TGM7: variants seen among roughly 807,000 people sequenced by gnomAD.
The protein encoded by TGM7 is protein-glutamine gamma-glutamyltransferase Z.
Under a neutral mutation model 79.5 loss-of-function variants are expected in TGM7, and 74 were observed. The observed-to-expected ratio is 0.93, with a 90% confidence interval of 0.77 to 1.13. The LOEUF is 1.13. TGM7 is among the 50% of genes most tolerant of loss of function. The pLI, the probability that TGM7 is intolerant of heterozygous loss-of-function variation, is 0.00. For missense variants in TGM7, 912 were observed against 905.9 expected, an observed-to-expected ratio of 1.01 and a Z score of -0.09; for synonymous variants, 354 against 362.5, an observed-to-expected ratio of 0.98 and a Z score of 0.27.
In TGM7 at chr15:43,281,986, A is replaced by G; in HGVS notation, c.1209T>C (p.Asp403=). Residue 403 remains aspartate (D), a synonymous_variant, in exon 9 of 13, where the codon GAT becomes GAC. Transcript: ENST00000452443. ...CATCCCCAAGGAGCCAAATGACTTC[A>G]TCGGCGTTCACCTCGGCATACACAA... ...TPFVYAEVNA[D]EVIWLLGDGQ... is the part of the protein sequence containing the mutation. 5.0e-6 allele frequency: 8 copies of G among 1,614,018 alleles called. No homozygotes were observed. Among genetic ancestry groups the G allele is most frequent in the Non-Finnish European group, 6.8e-6 (8 of 1,180,002 alleles).
chr15:43,280,842 GA>G (rs1450597082), intron 9 of TGM7, among the ~76,000 whole-genome samples: 1 of 152,200 alleles, frequency 6.6e-6, no homozygotes, highest in Non-Finnish European at 1.5e-5. Context: ...TGCGGAATAA[GA>G]AAAGAGAAGG....
At position 43,279,704 on chromosome 15, in the gene TGM7, T is replaced by C. The variant is rs1342570898; in HGVS notation, c.1599A>G (p.Ala533=). ...TACCACCCCCATGCAGCAGGGCCTGTGCACAGAAGCGCACCACCAGTCCGA... is the reference window on the plus strand; with the variant it reads ...TACCACCCCCATGCAGCAGGGCCTGCGCACAGAAGCGCACCACCAGTCCGA... The part of the protein sequence containing the change: ...GPIGLVVRFC[A]QALLHGGGTQ... The change falls in exon 10 of 13, where the codon GCA becomes GCG. Residue 533 remains alanine (A), a synonymous_variant. Transcript: ENST00000452443. 1.9e-6 allele frequency: 3 copies of C among 1,613,954 alleles called. No individual in the cohort carries two copies. Among genetic ancestry groups the C allele is most frequent in the Admixed American group, 3.3e-5 (2 of 60,014 alleles).
In TGM7 at chr15:43,292,750, G is replaced by A. The variant is rs761585519; in HGVS notation, c.398C>T (p.Pro133Leu). The change falls in exon 3 of 13, where the codon CCG (proline) becomes CTG (leucine). Residue 133 changes from proline (P) to leucine (L), a missense_variant. Coordinates refer to ENST00000452443, the MANE Select transcript of TGM7 (RefSeq NM_052955.3). ...AAAAAGTAGGATGAAAGTTCCCAGC[G>A]GGTAAGTCACACTGTGACCTTGGCC... is the stretch of plus-strand genomic sequence containing the variant. ...SQGQGHSVTY[P>L]LGTFILLFNP... The A allele has an allele frequency of 3.1e-6, 5 of 1,614,142 alleles. No homozygotes were observed. Among genetic ancestry groups the A allele is most frequent in the South Asian group, 2.2e-5 (2 of 91,086 alleles).
intron 1 of TGM7, among the ~76,000 whole-genome samples, chr15:43,296,641 C>T (rs964845046): frequency 1.3e-5 from 2 of 152,030 alleles, no homozygotes; most frequent in Non-Finnish European, 2.9e-5. Context: ...TCAGGGTAGC[C>T]TTTTCCTGGC....
intron 1 of TGM7, among the ~76,000 whole-genome samples, chr15:43,299,641 G>A (rs2043016847): frequency 6.6e-6 from 1 of 152,234 alleles, no homozygotes; most frequent in Non-Finnish European, 1.5e-5. Flanking sequence ...GTTGGCACCT[G>A]CCACAAAATG....
chr15:43,284,943 C>T lies in TGM7; in HGVS notation c.875G>A (p.Cys292Tyr), dbSNP rs1487992404. ...AACAACACGGGTTGGAACACCTAAGCATCTCATTACTAAAGAGAAAAATAT... is the reference window on the plus strand; with the variant it reads ...AACAACACGGGTTGGAACACCTAAGTATCTCATTACTAAAGAGAAAAATAT... ...FASVMCTVMR[C>Y]LGVPTRVVSN... Residue 292 changes from cysteine to tyrosine, a missense_variant, in exon 7 of 13, where the codon TGC (cysteine) becomes TAC (tyrosine). Physicochemically the swap from Cys to Tyr is radical, Grantham distance 194 (BLOSUM62 -2). Transcript: ENST00000452443. The T allele has an allele frequency of 1.2e-6, 2 of 1,614,082 alleles. No homozygotes were observed. The highest frequency in any genetic ancestry group is 1.7e-5 in the Admixed American group (1 of 60,002).
At chr15:43,280,341 C>T (rs1209261602) in intron 9 of TGM7, among the ~76,000 whole-genome samples, 1 of 152,050 alleles carries the variant, frequency 6.6e-6, no homozygotes, top group Non-Finnish European at 1.5e-5. Context: ...AAAAGAGCTT[C>T]GGCCAGGCGC....
chr15:43,293,083 G>T, intron 2 of TGM7, 129 bp from the exon 3 acceptor site: 1 of 1,325,392 alleles, frequency 7.5e-7, no homozygotes, highest in Non-Finnish European at 1.0e-6. Flanking sequence ...CTGCCACCGA[G>T]TGTCCTCAGG....
chr15:43,279,564 T>C (rs901100870), intron 10 of TGM7, 61 bp downstream of exon 10: 3 of 1,510,836 alleles, frequency 2.0e-6, no homozygotes, highest in Non-Finnish European at 2.7e-6. Flanking sequence ...CACCCCACTG[T>C]GTTCATGGAC....
At position 43,282,039 on chromosome 15, in the gene TGM7, C is replaced by T. The variant is rs1017676423; in HGVS notation, c.1156G>A (p.Asp386Asn). Reference sequence around the variant, plus strand: ...GGGGTGTCATAGGCCAGGTGGACATCCCCTTCCCTGATGGCCTTCACAGAG... The same window carrying T: ...GGGGTGTCATAGGCCAGGTGGACATTCCCTTCCCTGATGGCCTTCACAGAG... ...PASVKAIREG[D>N]VHLAYDTPFV... The change falls in exon 9 of 13, where the codon GAT (aspartate) becomes AAT (asparagine). Residue 386 changes from aspartate (D) to asparagine (N), a missense_variant. Asp to Asn is a conservative substitution (Grantham distance 23, BLOSUM62 1). Transcript: ENST00000452443. 6.2e-7 allele frequency: 1 copy of T among 1,614,180 alleles called. No individual in the cohort carries two copies. Among genetic ancestry groups the T allele is most frequent in the Non-Finnish European group, 8.5e-7 (1 of 1,180,024 alleles).
chr15:43,295,800 T>G (rs2042989160), intron 1 of TGM7, among the ~76,000 whole-genome samples: 1 of 152,220 alleles, frequency 6.6e-6, no homozygotes. Context: ...AACAACAATC[T>G]TTTGTAAGGT....
chr15:43,279,130 T>A lies in TGM7; in HGVS notation c.1826A>T (p.His609Leu), dbSNP rs151155650. 37 of 1,613,348 alleles carry A rather than the reference T, an allele frequency of 2.3e-5. No individual in the cohort carries two copies. Among genetic ancestry groups the A allele is most frequent in the Non-Finnish European group, 3.0e-5 (35 of 1,179,752 alleles). Reference sequence around the variant, plus strand: ...TCCAGACACTACCTCAATAGACAAGTGGGGAGGCTCCAGACAGATATCTTT... The same window carrying A: ...TCCAGACACTACCTCAATAGACAAGAGGGGAGGCTCCAGACAGATATCTTT... ...VLKDICLEPP[H>L]LSIEVSERAE... Residue 609 changes from histidine to leucine, a missense_variant, in exon 11 of 13, where the codon CAC (histidine) becomes CTC (leucine). Transcript: ENST00000452443.
chr15:43,289,332 T>G (rs1360091499), intron 4 of TGM7, among the ~76,000 whole-genome samples: 3 of 152,148 alleles, frequency 2.0e-5, no homozygotes, highest in Non-Finnish European at 4.4e-5. Flanking sequence ...TTTGTCCTTG[T>G]GATAGTTTGC....
chr15:43,301,221 G>A (rs1273442564), intron 1 of TGM7, among the ~76,000 whole-genome samples: 1 of 151,870 alleles, frequency 6.6e-6, no homozygotes, highest in African/African-American at 2.4e-5. Flanking sequence ...CAGCTCAAGC[G>A]ACCCGCTTGC....
rs183260593 is a variant in TGM7, at chr15:43,284,091, C to T, written c.1004+723G>A. 7.2e-3 allele frequency among the ~76,000 whole-genome samples: 1,101 copies of T among 152,164 alleles called. 8 individuals carry two copies. Among genetic ancestry groups the T allele is most frequent in the Non-Finnish European group, 0.011 (743 of 67,992 alleles). ...GTACGTGCCTGTAGTCCCATCTACT[C>T]GGGGGGCTGAGGCAGGAGAATTGCT... On this transcript the variant is annotated intron_variant, in intron 7 of 12. Coordinates refer to ENST00000452443, the MANE Select transcript of TGM7 (RefSeq NM_052955.3).
intron 4 of TGM7, among the ~76,000 whole-genome samples, chr15:43,288,189 C>A (rs1005056109): frequency 1.3e-5 from 2 of 152,160 alleles, no homozygotes; most frequent in African/African-American, 4.8e-5. Flanking sequence ...CCTGGAGGAG[C>A]CAGGGTGGGC....
At chr15:43,289,902 G>A (rs1269675054) in intron 4 of TGM7, among the ~76,000 whole-genome samples, 3 of 152,110 alleles carry the variant, frequency 2.0e-5, no homozygotes, top group Non-Finnish European at 4.4e-5. Context: ...CCCACTTTTT[G>A]ATGGGGTTGT....
Position 43,282,067 on chromosome 15 carries a change from A to C in TGM7, c.1128T>G (p.Pro376=), listed in dbSNP as rs1390464915. 3.1e-6 allele frequency: 5 copies of C among 1,614,148 alleles called. No homozygotes were observed. In the South Asian group the frequency reaches 5.5e-5, roughly 18 times the overall value. Residue 376 remains proline (P), a synonymous_variant, in exon 9 of 13, where the codon CCT becomes CCG. Transcript: ENST00000452443. ...CTTCCCTGATGGCCTTCACAGAGGCAGGGCCACAGCAGAACAGCCCTGTGG... is the reference window on the plus strand; with the variant it reads ...CTTCCCTGATGGCCTTCACAGAGGCCGGGCCACAGCAGAACAGCCCTGTGG... The part of the protein sequence containing the change: ...QTSSGLFCCG[P]ASVKAIREGD...
At chr15:43,279,592 G>A in intron 10 of TGM7, 33 bp downstream of exon 10, 1 of 1,539,810 alleles carries the variant, frequency 6.5e-7, no homozygotes, top group East Asian at 2.3e-5. Flanking sequence ...TCCCCTCCCT[G>A]TAGGTGCCTT....
Sources: allele counts gnomAD v4.1 joint callset (sites outside exome capture counted in the v4.1 genomes callset), GRCh38; gene constraint gnomAD v4.1.1; transcripts MANE v1.5; gene names NCBI Gene and HGNC (gene_info 2026-07-23, HGNC 2026-07-21).